Variants in NELL1 observed in about 807,000 individuals in gnomAD.
The protein encoded by NELL1 is neural EGFL like 1, also known as protein kinase C-binding protein NELL1.
NELL1 carries 76 observed loss-of-function variants against 107.4 expected under a neutral mutation model. The observed-to-expected ratio is 0.71, with a 90% confidence interval of 0.59 to 0.86. The LOEUF is 0.86. NELL1 is among the 40% of genes least tolerant of loss of function. The probability of loss-of-function intolerance (pLI) is 0.00; values close to 1 mark genes in which losing one functional copy is unlikely to be tolerated. For synonymous variants in NELL1, 353 were observed against 341.2 expected (o/e 1.03, Z -0.38); for missense variants, 1,024 against 1,005.5 (o/e 1.02, Z -0.25).
chr11:21,354,156 G>A (rs1850877480), intron 14 of NELL1, among the ~76,000 whole-genome samples: 1 of 152,130 alleles, frequency 6.6e-6, no homozygotes, highest in African/African-American at 2.4e-5. Context: ...AATGGCATAT[G>A]TGAGATTTGT....
At chr11:20,998,622 TA>T (rs1283383492) in intron 12 of NELL1, among the ~76,000 whole-genome samples, 20 of 152,198 alleles carry the variant, frequency 1.3e-4, no homozygotes, top group Non-Finnish European at 2.4e-4. Context: ...TGAGAACTGT[TA>T]AGCCAAAGCA....
intron 12 of NELL1, among the ~76,000 whole-genome samples, chr11:20,967,703 A>C (rs745975763): frequency 3.9e-5 from 6 of 152,166 alleles, no homozygotes; most frequent in Non-Finnish European, 8.8e-5. Flanking sequence ...TCTTTTGGCT[A>C]GTGATCCCAG....
rs1028803784 is a variant in NELL1, at chr11:20,953,489, G to C, written c.1171+6054G>C. On this transcript the variant is annotated intron_variant, in intron 11 of 19. Transcript: ENST00000357134. Reference sequence around the variant, plus strand: ...AGTGGGATTTGGAGAGTGGCAGTGTGGGGGGGCCTCAGTGTAATAGGCAGA... The same window carrying C: ...AGTGGGATTTGGAGAGTGGCAGTGTCGGGGGGCCTCAGTGTAATAGGCAGA... Among the ~76,000 whole-genome samples, 6 of 151,916 alleles carry C rather than the reference G, an allele frequency of 3.9e-5. No individual in the cohort carries two copies. In the East Asian group the frequency reaches 1.2e-3, roughly 30 times the overall value.
At chr11:21,394,507 T>C (rs1454448985) in intron 15 of NELL1, among the ~76,000 whole-genome samples, 1 of 151,440 alleles carries the variant, frequency 6.6e-6, no homozygotes, top group Non-Finnish European at 1.5e-5. Flanking sequence ...CAAGACAGAC[T>C]GGACCCAGAG....
At chr11:21,407,614 G>GTC (rs1438166512) in intron 15 of NELL1, among the ~76,000 whole-genome samples, 1 of 149,678 alleles carries the variant, frequency 6.7e-6, no homozygotes, top group Non-Finnish European at 1.5e-5. Flanking sequence ...ATTATTCAAT[G>GTC]TCTCTCTATT....
Position 21,535,329 on chromosome 11 carries a change from A to G in NELL1, c.1786+815A>G, listed in dbSNP as rs141422797. 4.1e-4 allele frequency among the ~76,000 whole-genome samples: 63 copies of G among 152,286 alleles called. 2 individuals are homozygous for G. In the East Asian group the frequency reaches 9.3e-3, roughly 22 times the overall value. ...TCTTAATGCTGATTTGGACCAACCT[A>G]GGGGCCAAGCATTCTGACCTTGGGC... On this transcript the variant is annotated intron_variant, in intron 16 of 19. Transcript: ENST00000357134.
chr11:21,153,460 T>A (rs901599895), intron 13 of NELL1, among the ~76,000 whole-genome samples: 3 of 152,180 alleles, frequency 2.0e-5, no homozygotes, highest in African/African-American at 7.2e-5. Context: ...TATTAAGCAC[T>A]TGCTGTGTAA....
chr11:21,303,382 C>T (rs1469908619), intron 14 of NELL1, among the ~76,000 whole-genome samples: 2 of 151,838 alleles, frequency 1.3e-5, no homozygotes, highest in East Asian at 1.9e-4. Context: ...AAATGGTCAC[C>T]ACTAATCATC....
At chr11:21,032,264 G>A (rs1852980736) in intron 12 of NELL1, among the ~76,000 whole-genome samples, 2 of 152,024 alleles carry the variant, frequency 1.3e-5, no homozygotes, top group Admixed American at 6.6e-5. Flanking sequence ...TGGCTTTGAA[G>A]TTGTATCCTT....
chr11:21,133,748 G>A (rs921254222), intron 13 of NELL1, among the ~76,000 whole-genome samples: 2 of 152,140 alleles, frequency 1.3e-5, no homozygotes, highest in African/African-American at 4.8e-5. Context: ...TGGGGGGGTG[G>A]GGGATGGGCT....
intron 2 of NELL1, among the ~76,000 whole-genome samples, chr11:20,690,439 C>A (rs1014164835): frequency 2.0e-5 from 3 of 151,946 alleles, no homozygotes; most frequent in African/African-American, 7.3e-5. Flanking sequence ...GTCTTTAATC[C>A]ATCTTGAATT....
At chr11:21,044,042 A>G (rs1416630245) in intron 12 of NELL1, among the ~76,000 whole-genome samples, 1 of 152,176 alleles carries the variant, frequency 6.6e-6, no homozygotes, top group Non-Finnish European at 1.5e-5. Context: ...TATAAATGAC[A>G]TTTGAAACCA....
chr11:20,729,138 T>C (rs977140660), intron 2 of NELL1, among the ~76,000 whole-genome samples: 2 of 4,704 alleles, frequency 4.3e-4, no homozygotes, highest in Non-Finnish European at 1.3e-3. Flanking sequence ...TGCTACTGAT[T>C]TTTTTTTAAC....
chr11:21,231,215 T>C (rs145205522), intron 14 of NELL1, among the ~76,000 whole-genome samples: 112 of 152,238 alleles, frequency 7.4e-4, no homozygotes, highest in African/African-American at 2.5e-3. Flanking sequence ...ATATCTAAGT[T>C]AATATTTATA....
chr11:20,808,753 G>A (rs1386459363), intron 3 of NELL1, among the ~76,000 whole-genome samples: 2 of 152,172 alleles, frequency 1.3e-5, no homozygotes, highest in African/African-American at 4.8e-5. Context: ...TGTGGGCATT[G>A]GCTGAATTCT....
At chr11:21,255,850 T>C (rs1858755352) in intron 14 of NELL1, among the ~76,000 whole-genome samples, 1 of 152,080 alleles carries the variant, frequency 6.6e-6, no homozygotes. Flanking sequence ...GCTTTGTCTA[T>C]TTTCATACTT....
At chr11:21,307,339 T>C (rs12575003) in intron 14 of NELL1, among the ~76,000 whole-genome samples, 9,942 of 152,060 alleles carry the variant, frequency 0.065, 498 homozygotes, top group African/African-American at 0.14. Flanking sequence ...TGTTTGTGTG[T>C]GTGTGTGTAT....
At chr11:20,766,166 G>A (rs186064332) in intron 2 of NELL1, among the ~76,000 whole-genome samples, 60 of 152,312 alleles carry the variant, frequency 3.9e-4, no homozygotes, top group African/African-American at 1.3e-3. Flanking sequence ...GATTGATGTC[G>A]AGAATGACCC....
chr11:21,339,995 C>T (rs1006041637), intron 14 of NELL1, among the ~76,000 whole-genome samples: 1 of 152,166 alleles, frequency 6.6e-6, no homozygotes, highest in Non-Finnish European at 1.5e-5. Flanking sequence ...GTTCTGTCTT[C>T]CTCCCATCTT....
Sources: gnomAD v4.1 joint callset for allele counts (sites outside exome capture counted in the v4.1 genomes callset) on GRCh38, gnomAD v4.1.1 for gene constraint, MANE v1.5 for transcripts, NCBI Gene and HGNC (gene_info 2026-07-23, HGNC 2026-07-21) for gene names.